The following ATP8A1 variants were observed in gnomAD, a reference collection of about 807,000 sequenced individuals.
ATP8A1 encodes the protein ATPase phospholipid transporting 8A1, also known as phospholipid-transporting ATPase IA.
A neutral mutation model predicts 177.7 loss-of-function variants in ATP8A1; 90 were observed. The ratio of observed to expected loss-of-function variants is 0.51; its 90% confidence interval spans 0.43 to 0.60. ATP8A1 has a LOEUF of 0.60. Among genes scored for constraint, ATP8A1 ranks in the 20% least tolerant of loss-of-function variants. ATP8A1 has a pLI of 0.00. For synonymous variants in ATP8A1, 493 were observed against 485.9 expected (o/e 1.01, Z -0.19); for missense variants, 1,072 against 1,392.8 (o/e 0.77, Z 3.67).
intron 6 of ATP8A1, among the ~76,000 whole-genome samples, chr4:42,596,257 T>C (rs1734701528): frequency 6.6e-6 from 1 of 152,164 alleles, no homozygotes; most frequent in Non-Finnish European, 1.5e-5. Context: ...ATGCCAAAGT[T>C]AAGGAAATGT....
At chr4:42,645,991 C>T (rs547276630) in intron 1 of ATP8A1, among the ~76,000 whole-genome samples, 2 of 151,838 alleles carry the variant, frequency 1.3e-5, no homozygotes, top group African/African-American at 4.8e-5. Context: ...GCCAACTAGT[C>T]GCAGCCACTG....
intron 20 of ATP8A1, among the ~76,000 whole-genome samples, chr4:42,538,814 G>A (rs1322234788): frequency 2.6e-5 from 4 of 152,234 alleles, no homozygotes; most frequent in African/African-American, 9.6e-5. Flanking sequence ...TGGTGGGAAT[G>A]TAAACTAGTA....
intron 21 of ATP8A1, among the ~76,000 whole-genome samples, chr4:42,522,587 G>A (rs956870186): frequency 5.3e-5 from 8 of 152,054 alleles, no homozygotes; most frequent in African/African-American, 1.9e-4. Flanking sequence ...TCTTTGCTTC[G>A]AATCTTCCAA....
In ATP8A1 at chr4:42,590,888, C is replaced by T. The variant is rs761406850; in HGVS notation, c.451-4G>A. Reference sequence around the variant, plus strand: ...TCACTATCTCCCCTACTGCCACCTACACGTCCCAGTATAAAATAATTAAAA... The same window carrying T: ...TCACTATCTCCCCTACTGCCACCTATACGTCCCAGTATAAAATAATTAAAA... On this transcript the variant is annotated splice_polypyrimidine_tract_variant and splice_region_variant and intron_variant, in intron 6 of 36. Transcript: ENST00000381668. The T allele has an allele frequency of 1.0e-5, 16 of 1,604,032 alleles. 1 individual carries two copies. The Middle Eastern group carries it at 9.9e-4, about 100-fold the overall frequency.
chr4:42,582,444 A>G (rs749556699), intron 9 of ATP8A1, among the ~76,000 whole-genome samples: 1 of 151,838 alleles, frequency 6.6e-6, no homozygotes, highest in Admixed American at 6.6e-5. Context: ...GGGGATAAGG[A>G]ATCTGTCTAC....
chr4:42,519,933 A>G (rs573200697), intron 22 of ATP8A1, among the ~76,000 whole-genome samples: 16 of 152,326 alleles, frequency 1.1e-4, no homozygotes, highest in East Asian at 1.9e-4. Flanking sequence ...ATGCATGTGT[A>G]TATGTGTATA....
Position 42,599,635 on chromosome 4 carries a change from A to T in ATP8A1, c.450+843T>A, listed in dbSNP as rs544211601. The stretch of plus-strand genomic sequence containing the variant: ...ATACAAGATGACCATGACAAGGTAG[A>T]ATCAAGGGCATGGACTTCAACTAGC... On this transcript the variant is annotated intron_variant, in intron 6 of 36. Transcript: ENST00000381668. 2.6e-5 allele frequency among the ~76,000 whole-genome samples: 4 copies of T among 152,340 alleles called. No individual in the cohort carries two copies. In the South Asian group the frequency reaches 8.3e-4, roughly 32 times the overall value.
At chr4:42,483,242 G>C (rs75278142) in intron 25 of ATP8A1, among the ~76,000 whole-genome samples, 1 of 152,094 alleles carries the variant, frequency 6.6e-6, no homozygotes, top group Non-Finnish European at 1.5e-5. Context: ...ACATAAATCC[G>C]GCAGTGGCAC....
chr4:42,618,112 C>T (rs1404432112), intron 4 of ATP8A1, among the ~76,000 whole-genome samples: 1 of 152,174 alleles, frequency 6.6e-6, no homozygotes, highest in Admixed American at 6.5e-5. Context: ...ATTGTATAAA[C>T]AGTGTTATGA....
At chr4:42,580,487 T>C (rs1732921901) in intron 10 of ATP8A1, among the ~76,000 whole-genome samples, 1 of 152,192 alleles carries the variant, frequency 6.6e-6, no homozygotes, top group Non-Finnish European at 1.5e-5. Context: ...ATTTAAGTAG[T>C]CCTGGCTATA....
chr4:42,634,099 G>A (rs1038240698), intron 1 of ATP8A1, among the ~76,000 whole-genome samples: 12 of 152,142 alleles, frequency 7.9e-5, no homozygotes, highest in African/African-American at 2.7e-4. Flanking sequence ...CCATTTCGAG[G>A]ACACTGTGAT....
chr4:42,623,009 CAAA>C (rs200111147), intron 4 of ATP8A1, among the ~76,000 whole-genome samples: 1 of 116,120 alleles, frequency 8.6e-6, no homozygotes, highest in African/African-American at 3.3e-5. Context: ...AACTCTGTCT[CAAA>C]AAAAAAAAAA....
chr4:42,479,666 A>G (rs1403557639), intron 25 of ATP8A1, among the ~76,000 whole-genome samples: 1 of 152,262 alleles, frequency 6.6e-6, no homozygotes, highest in Non-Finnish European at 1.5e-5. Flanking sequence ...AAAGCTACAG[A>G]GCACTGCATT....
At chr4:42,591,281 T>C (rs1459835860) in intron 6 of ATP8A1, among the ~76,000 whole-genome samples, 1 of 151,586 alleles carries the variant, frequency 6.6e-6, no homozygotes, top group Non-Finnish European at 1.5e-5. Flanking sequence ...AGGAAGAAAA[T>C]AATAATGAAA....
chr4:42,590,940 A>G, intron 6 of ATP8A1, 56 bp from the exon 7 acceptor site: 4 of 1,414,682 alleles, frequency 2.8e-6, no homozygotes, highest in Non-Finnish European at 3.9e-6. Flanking sequence ...TGAACAGAGG[A>G]AAAAAAACAA....
At chr4:42,490,330 A>T (rs990092846) in intron 24 of ATP8A1, among the ~76,000 whole-genome samples, 3 of 152,140 alleles carry the variant, frequency 2.0e-5, no homozygotes, top group Admixed American at 6.5e-5. Context: ...GAAAGGAAAA[A>T]GCCACCTCAC....
chr4:42,656,698 G>A (rs903604272), intron 1 of ATP8A1, 127 bp downstream of exon 1: 2 of 1,153,378 alleles, frequency 1.7e-6, no homozygotes, highest in East Asian at 3.1e-5. Context: ...CCTAGGGGCC[G>A]GGCGCGACAG....
At chr4:42,458,360 T>C (rs930155618) in intron 27 of ATP8A1, among the ~76,000 whole-genome samples, 6 of 152,238 alleles carry the variant, frequency 3.9e-5, no homozygotes, top group South Asian at 2.1e-4. Context: ...TATCACCTTA[T>C]TGACTTTTAT....
chr4:42,598,997 A>C (rs1027502599), intron 6 of ATP8A1, among the ~76,000 whole-genome samples: 3 of 152,172 alleles, frequency 2.0e-5, no homozygotes, highest in African/African-American at 4.8e-5. Context: ...AGATGACTGA[A>C]AATGCTATTA....
Sources: gnomAD v4.1 joint callset for allele counts (sites outside exome capture counted in the v4.1 genomes callset) on GRCh38, gnomAD v4.1.1 for gene constraint, MANE v1.5 for transcripts, NCBI Gene and HGNC (gene_info 2026-07-23, HGNC 2026-07-21) for gene names.